NBPF12: variants seen among roughly 807,000 people sequenced by gnomAD.
NBPF12 encodes NBPF family member NBPF12.
In NBPF12, 115 loss-of-function variants were observed where a neutral mutation model predicts 146.4. The observed-to-expected ratio is 0.79, with a 90% CI of 0.68 to 0.92. The LOEUF is 0.92. NBPF12 is among the 40% of genes least tolerant of loss of function. The pLI is 0.00. For missense variants in NBPF12, 1,205 were observed against 1,326.8 expected (o/e 0.91, Z 1.43); for synonymous variants, 385 against 508.9 (o/e 0.76, Z 3.28).
chr1:146,968,589 T>C, intron 10 of NBPF12, 39 bp downstream of exon 13: 2 of 1,540,264 alleles, frequency 1.3e-6, no homozygotes, highest in Non-Finnish European at 1.8e-6. Context: ...GGGGCAGGTG[T>C]GTAAATCTCT....
intron 29 of NBPF12, among the ~76,000 whole-genome samples, chr1:146,990,758 C>CT (rs1329157327): frequency 8.4e-6 from 1 of 118,918 alleles, no homozygotes; most frequent in Non-Finnish European, 1.7e-5. Flanking sequence ...TGCATGGAAT[C>CT]TTGAGCAAGT....
At chr1:146,994,583 T>G (rs11578954) in exon 34 of NBPF12, 163,234 of 1,601,278 alleles carry the variant, frequency 0.1, 9,161 homozygotes, top group East Asian at 0.21. Flanking sequence ...TAAGCAGCCC[T>G]TACTAAGCCG....
chr1:146,948,015 A>C (rs1449861888), upstream of NBPF12, among the ~76,000 whole-genome samples: 2 of 151,942 alleles, frequency 1.3e-5, no homozygotes, highest in Admixed American at 6.6e-5. Flanking sequence ...ATTTTATTTT[A>C]TCTCTTTTTT....
Position 146,940,410 on chromosome 1 carries a change from C to G in NBPF12, c.-822+1428C>G, listed in dbSNP as rs1485794167. ...CTTGAGCCCAGGAGTTCCAGACCAGCCTGGGCAACGTGGCAAAATGCCATC... is the reference window on the plus strand; with the variant it reads ...CTTGAGCCCAGGAGTTCCAGACCAGGCTGGGCAACGTGGCAAAATGCCATC... On this transcript the variant is annotated intron_variant, in intron 1 of 35. Coordinates refer to the NBPF12 transcript ENST00000617931. 7.9e-5 allele frequency among the ~76,000 whole-genome samples: 12 copies of G among 152,070 alleles called. No individual in the cohort carries two copies. The Middle Eastern group carries it at 0.01, about 129-fold the overall frequency.
At chr1:146,976,824 C>G (rs1490975374) in intron 16 of NBPF12, 105 bp from the exon 20 acceptor site, 5 of 561,496 alleles carry the variant, frequency 8.9e-6, no homozygotes, top group Middle Eastern at 4.8e-4. Context: ...TTCAGTTGAA[C>G]GGTGACCCAT....
At chr1:146,940,620 A>G (rs1654758064) in intron 1 of NBPF12, among the ~76,000 whole-genome samples, 1 of 151,924 alleles carries the variant, frequency 6.6e-6, no homozygotes. Context: ...ATTAAGAAAT[A>G]GAACATTACT....
chr1:146,939,104 G>C (rs1654669635), intron 1 of NBPF12, 92 bp downstream of exon 1: 1 of 152,164 alleles, frequency 6.6e-6, no homozygotes, highest in Non-Finnish European at 1.5e-5. Context: ...CGGTTGCGCC[G>C]GGCACTGCCG....
chr1:146,972,650 A>T (rs1570866072), intron 13 of NBPF12, 101 bp from the exon 17 acceptor site: 3 of 1,034,246 alleles, frequency 2.9e-6, no homozygotes, highest in Non-Finnish European at 4.6e-6. Context: ...ACATCTTCAA[A>T]TAAGTAGACA....
chr1:146,947,756 G>A (rs1463801956), upstream of NBPF12, among the ~76,000 whole-genome samples: 8 of 149,714 alleles, frequency 5.3e-5, no homozygotes, highest in Non-Finnish European at 1.2e-4. Flanking sequence ...ACTTTATGTA[G>A]TGGACTATTG....
At chr1:146,964,797 C>G in intron 7 of NBPF12, 96 bp from the exon 11 acceptor site, 1 of 1,592,364 alleles carries the variant, frequency 6.3e-7, no homozygotes, top group Non-Finnish European at 8.6e-7. Context: ...TGGGACCACT[C>G]TCTTAATGCC....
rs1187228872 is a variant in NBPF12 at position 146,972,086 on chromosome 1, TAA to T, written c.1592-649_1592-648del. On this transcript the variant is annotated intron_variant, in intron 13 of 33. Coordinates refer to ENST00000617844, the Ensembl canonical transcript of NBPF12. ...CTGGGAGACAGAGCGAGACTCCATC[TAA>T]AAAAAAAAAAAAAAAGTAAGTCTCT... Among the ~76,000 whole-genome samples, 23 of 120,920 alleles carry T rather than the reference TAA, an allele frequency of 1.9e-4. 1 individual carries two copies. Among genetic ancestry groups the T allele is most frequent in the East Asian group, 2.4e-4 (1 of 4,182 alleles). The allele number at this position is 120,920 out of a possible 152,430, so 79.3% of individuals were successfully genotyped here. A position where few individuals can be genotyped will look rare whatever the true frequency, so the allele number is the denominator to read the frequency against.
At chr1:146,983,339 T>C (rs1657507940) in intron 20 of NBPF12, 1 of 605,118 alleles carries the variant, frequency 1.7e-6, no homozygotes, top group Non-Finnish European at 2.9e-6. Flanking sequence ...TGTCACGACA[T>C]TGAACTCAAG....
exon 34 of NBPF12, chr1:146,994,364 C>G (rs1435206511): frequency 3.7e-6 from 6 of 1,612,170 alleles, no homozygotes; most frequent in African/African-American, 1.3e-5. Flanking sequence ...GTGGAAGAGC[C>G]TGAAGTCTTG....
At chr1:146,946,791 T>A (rs1244394981), upstream of NBPF12, among the ~76,000 whole-genome samples, 3 of 151,730 alleles carry the variant, frequency 2.0e-5, no homozygotes, top group African/African-American at 7.3e-5. Context: ...TTCTCCTATG[T>A]TATCTCCTAG....
intron 19 of NBPF12, among the ~76,000 whole-genome samples, chr1:146,982,428 T>G (rs1411375374): frequency 4.0e-5 from 6 of 150,918 alleles, no homozygotes; most frequent in African/African-American, 1.2e-4. Context: ...GATGTATATA[T>G]GCTTTCTTCC....
intron 11 of NBPF12, among the ~76,000 whole-genome samples, chr1:146,969,884 G>A (rs1656472418): frequency 6.6e-6 from 1 of 150,896 alleles, no homozygotes; most frequent in Admixed American, 6.6e-5. Flanking sequence ...ATGGGAGGGC[G>A]CTTGTTGGAG....
chr1:146,946,085 T>C (rs1382129391), upstream of NBPF12, among the ~76,000 whole-genome samples: 1 of 152,018 alleles, frequency 6.6e-6, no homozygotes, highest in Non-Finnish European at 1.5e-5. Flanking sequence ...TTATGTACTT[T>C]AAGTTCCTCC....
At chr1:146,956,610 A>G (rs1655603526) in intron 2 of NBPF12, among the ~76,000 whole-genome samples, 1 of 151,988 alleles carries the variant, frequency 6.6e-6, no homozygotes, top group African/African-American at 2.4e-5. Flanking sequence ...CAGAATCATT[A>G]CATGCTTAAC....
At chr1:146,949,540 C>T (rs1655231282) in intron 1 of NBPF12, 118 bp downstream of exon 4, 2 of 126,854 alleles carry the variant, frequency 1.6e-5, no homozygotes, top group African/African-American at 3.2e-5. Context: ...GAGACAGGCA[C>T]CTGTACTAGT....
Sources: allele counts gnomAD v4.1 joint callset (sites outside exome capture counted in the v4.1 genomes callset), GRCh38; gene constraint gnomAD v4.1.1; transcripts MANE v1.5; gene names NCBI Gene and HGNC (gene_info 2026-07-23, HGNC 2026-07-21).